The following SEMA4A variants were observed in gnomAD, a reference collection of about 807,000 sequenced individuals.
SEMA4A encodes the protein semaphorin 4A.
A neutral mutation model predicts 72.5 loss-of-function variants in SEMA4A; 52 were observed. The observed-to-expected ratio is 0.72, with a 90% confidence interval of 0.57 to 0.90. The LOEUF (loss-of-function observed/expected upper bound fraction) is 0.90, where lower values mean the gene tolerates loss of function less well. Among genes scored for constraint, SEMA4A ranks in the 40% least tolerant of loss-of-function variants. SEMA4A has a pLI of 0.00. For missense variants in SEMA4A, 926 were observed against 959.7 expected, an observed-to-expected ratio of 0.96 and a Z score of 0.46; for synonymous variants, 369 against 393.1, an observed-to-expected ratio of 0.94 and a Z score of 0.73.
chr1:156,156,453 G>T lies in SEMA4A; in HGVS notation c.179G>T (p.Gly60Val). The T allele has an allele frequency of 1.2e-6, 2 of 1,614,148 alleles. No individual in the cohort carries two copies. The highest frequency in any genetic ancestry group is 1.7e-6 in the Non-Finnish European group (2 of 1,180,014). ...RRALSFFHQK[G>V]LQDFDTLLLS... is the part of the protein sequence containing the mutation. ...GCACTTAGCTTCTTCCACCAGAAGG[G>T]CCTCCAGGATTTTGACACTCTGCTC... The change falls in exon 3 of 15, where the codon GGC becomes GTC. Residue 60 changes from glycine (G) to valine (V), a missense_variant. Gly to Val is a moderately radical substitution (Grantham distance 109). Coordinates refer to ENST00000368285, the MANE Select transcript of SEMA4A (RefSeq NM_022367.4).
Position 156,177,088 on chromosome 1 carries a change from C to T in SEMA4A, c.*91C>T. On this transcript the variant is annotated 3_prime_UTR_variant, in exon 15 of 15. Transcript: ENST00000368285. ...AGCCCTGACTAGGATGACAGCAGCA[C>T]AAAAGACCACCTTTCTCCCCTGAGA... 9.2e-7 allele frequency: 1 copy of T among 1,089,928 alleles called. No individual in the cohort carries two copies. The highest frequency in any genetic ancestry group is 2.5e-5 in the East Asian group (1 of 40,204). 67.5% of individuals were successfully genotyped at this position (1,089,928 alleles called of 1,614,324 possible).
Position 156,175,483 on chromosome 1 carries a change from T to C in SEMA4A, c.1593-73T>C, listed in dbSNP as rs1655231987. 6.2e-6 allele frequency: 8 copies of C among 1,286,378 alleles called. No individual in the cohort carries two copies. The East Asian group carries it at 1.9e-4, about 31-fold the overall frequency. The allele number at this position is 1,286,378 out of a possible 1,614,324, so 79.7% of individuals were successfully genotyped here. ...GGCCTACCTTCTTCCCTACTGCACTTCCTCCCTTCCTCCTTCCTCTTCCCA... is the reference window on the plus strand; with the variant it reads ...GGCCTACCTTCTTCCCTACTGCACTCCCTCCCTTCCTCCTTCCTCTTCCCA... On this transcript the variant is annotated intron_variant, in intron 13 of 14. Coordinates refer to ENST00000368285, the MANE Select transcript of SEMA4A (RefSeq NM_022367.4).
chr1:156,149,105 AG>A (rs1652337299), upstream of SEMA4A, among the ~76,000 whole-genome samples: 1 of 152,178 alleles, frequency 6.6e-6, no homozygotes, highest in Admixed American at 6.5e-5. Context: ...CCCAGCCGGA[AG>A]GGGCTTTTTC....
intron 6 of SEMA4A, among the ~76,000 whole-genome samples, chr1:156,159,596 G>A (rs1653387965): frequency 6.6e-6 from 1 of 151,990 alleles, no homozygotes; most frequent in African/African-American, 2.4e-5. Flanking sequence ...GCACTGTGCT[G>A]GGTAGTATAG....
intron 10 of SEMA4A, among the ~76,000 whole-genome samples, chr1:156,164,854 G>T (rs1212712777): frequency 6.6e-6 from 1 of 151,952 alleles, no homozygotes; most frequent in African/African-American, 2.4e-5. Context: ...AAGCTGGAGT[G>T]CAATGGCGTG....
At chr1:156,170,438 G>A (rs1321328634) in intron 10 of SEMA4A, among the ~76,000 whole-genome samples, 3 of 141,948 alleles carry the variant, frequency 2.1e-5, no homozygotes, top group Non-Finnish European at 4.6e-5. Context: ...ACTCCAGCCT[G>A]GGCAACAGAG....
At chr1:156,147,793 G>T (rs72708271), upstream of SEMA4A, among the ~76,000 whole-genome samples, 47,964 of 151,960 alleles carry the variant, frequency 0.32, 7,760 homozygotes, top group Middle Eastern at 0.41. Context: ...AGAGGAAATA[G>T]AATTATGTAT....
At chr1:156,172,466 C>T (rs1390359083) in intron 10 of SEMA4A, among the ~76,000 whole-genome samples, 1 of 152,206 alleles carries the variant, frequency 6.6e-6, no homozygotes, top group Admixed American at 6.5e-5. Flanking sequence ...TTCCTGCTGG[C>T]TGCCAGGCCT....
rs753613542 is a variant in SEMA4A at position 156,174,954 on chromosome 1, T to G, written c.1434+14T>G. The G allele has an allele frequency of 5.6e-6, 9 of 1,614,236 alleles. No homozygotes were observed. In the Admixed American group the frequency reaches 1.3e-4, roughly 24 times the overall value. ...GCCCCCACCCAGGTGGGAAGGGACC[T>G]GACCATCAAATGGCCTTCCAGTGGG... On this transcript the variant is annotated intron_variant, in intron 12 of 14. Transcript: ENST00000368285.
At chr1:156,159,082 C>T in intron 6 of SEMA4A, 1 of 485,624 alleles carries the variant, frequency 2.1e-6, no homozygotes, top group Non-Finnish European at 3.7e-6. Context: ...TCCTAGCAGT[C>T]TAGCAGTTTG....
At position 156,176,838 on chromosome 1, in the gene SEMA4A, A is replaced by C. The variant is rs777128556; in HGVS notation, c.2127A>C (p.Ala709=). 6.2e-7 allele frequency: 1 copy of C among 1,614,106 alleles called. No individual in the cohort carries two copies. Among genetic ancestry groups the C allele is most frequent in the Non-Finnish European group, 8.5e-7 (1 of 1,179,996 alleles). ...LIILVASPLR[A]LRARGKVQGC... ...TCCTCGTGGCCTCCCCATTGAGAGC[A>C]CTCCGGGCTCGGGGCAAGGTTCAGG... Residue 709 remains alanine, a synonymous_variant, in exon 15 of 15, where the codon GCA becomes GCC. Transcript: ENST00000368285.
Position 156,154,627 on chromosome 1 carries a change from T to A in SEMA4A, c.49T>A (p.Phe17Ile). 1 of 1,610,588 alleles carries A rather than the reference T, an allele frequency of 6.2e-7. No individual in the cohort carries two copies. The highest frequency in any genetic ancestry group is 8.5e-7 in the Non-Finnish European group (1 of 1,178,942). Residue 17 changes from phenylalanine to isoleucine, a missense_variant, in exon 2 of 15, where the codon TTC (phenylalanine) becomes ATC (isoleucine). Coordinates refer to ENST00000368285, the MANE Select transcript of SEMA4A (RefSeq NM_022367.4). Reference sequence around the variant, plus strand: ...GGACCCCTGGAGCCTCCTGGGCCTTTTCCTCTTCCAACTGCTTCAGCTGCT... The same window carrying A: ...GGACCCCTGGAGCCTCCTGGGCCTTATCCTCTTCCAACTGCTTCAGCTGCT... ...GLDPWSLLGL[F>I]LFQLLQLLLP...
At chr1:156,170,966 A>G (rs1022385206) in intron 10 of SEMA4A, among the ~76,000 whole-genome samples, 2 of 151,982 alleles carry the variant, frequency 1.3e-5, no homozygotes, top group Admixed American at 6.6e-5. Context: ...TAATCCCAGC[A>G]CTTTGGGAGG....
At chr1:156,172,707 C>A in intron 10 of SEMA4A, 119 bp from the exon 11 acceptor site, 1 of 972,070 alleles carries the variant, frequency 1.0e-6, no homozygotes, top group Non-Finnish European at 1.6e-6. Flanking sequence ...GCTTTAACCA[C>A]CACCCTGAAA....
rs778997272 is a variant in SEMA4A, at chr1:156,161,526, G to A, written c.983+8G>A. 2 of 1,613,594 alleles carry A rather than the reference G, an allele frequency of 1.2e-6. No individual in the cohort carries two copies. Among genetic ancestry groups the A allele is most frequent in the African/African-American group, 2.7e-5 (2 of 74,902 alleles). ...AGTCTTCACCTCCCAGTGGTGAGCA[G>A]CAGGGCTGGACCATGGGGGCTGGAC... is the stretch of plus-strand genomic sequence containing the variant. On this transcript the variant is annotated splice_region_variant and intron_variant, in intron 9 of 14. Coordinates refer to ENST00000368285, the MANE Select transcript of SEMA4A (RefSeq NM_022367.4).
chr1:156,158,216 C>A, intron 4 of SEMA4A, 84 bp downstream of exon 4: 1 of 1,495,138 alleles, frequency 6.7e-7, no homozygotes, highest in Non-Finnish European at 9.3e-7. Context: ...TCAGGTTGGG[C>A]GGCAGTGGAG....
intron 13 of SEMA4A, 133 bp downstream of exon 13, chr1:156,175,376 T>C: frequency 2.4e-6 from 3 of 1,243,096 alleles, no homozygotes; most frequent in Non-Finnish European, 3.5e-6. Context: ...CTGCAGTGGG[T>C]TCCTCCAGGG....
intron 14 of SEMA4A, 110 bp from the exon 15 acceptor site, chr1:156,176,295 C>CAA (rs1174877148): frequency 3.1e-3 from 2,241 of 720,200 alleles, no homozygotes; most frequent in Non-Finnish European, 3.8e-3. Flanking sequence ...GAACCTGCCT[C>CAA]AAAAAAAAAA....
intron 6 of SEMA4A, 85 bp downstream of exon 6, chr1:156,158,909 A>C: frequency 1.6e-6 from 2 of 1,219,968 alleles, no homozygotes; most frequent in Non-Finnish European, 2.4e-6. Context: ...AGTTTTCCAA[A>C]AGGCAGGGGA....
Sources: gnomAD v4.1 joint callset for allele counts (sites outside exome capture counted in the v4.1 genomes callset) on GRCh38, gnomAD v4.1.1 for gene constraint, MANE v1.5 for transcripts, NCBI Gene and HGNC (gene_info 2026-07-23, HGNC 2026-07-21) for gene names.